ANXA8: variants seen among roughly 807,000 people sequenced by gnomAD.
ANXA8 encodes annexin A8, also known as VAC-beta.
ANXA8 carries 9 observed loss-of-function variants against 26.8 expected under a neutral mutation model. The observed-to-expected ratio is 0.34, with a 90% CI of 0.20 to 0.59. ANXA8 has a LOEUF of 0.59. Ranked by LOEUF, ANXA8 falls within the 20% of genes least tolerant of loss-of-function variation. ANXA8 has a pLI of 0.84. For missense variants in ANXA8, 83 were observed against 238.5 expected, an observed-to-expected ratio of 0.35 and a Z score of 4.29; for synonymous variants, 39 against 94.8, an observed-to-expected ratio of 0.41 and a Z score of 3.42.
At chr10:47,710,937 G>C in the ANXA8 span, among the ~76,000 whole-genome samples, 2 of 134,784 alleles carry the variant, frequency 1.5e-5, no homozygotes, top group African/African-American at 5.9e-5. Context: ...TGAAATAAAG[G>C]CTTAAATTTA....
At chr10:47,687,900 G>A in the ANXA8 span, among the ~76,000 whole-genome samples, 9 of 151,784 alleles carry the variant, frequency 5.9e-5, no homozygotes, top group South Asian at 2.1e-4. Flanking sequence ...AGGAGTTTGC[G>A]ACCAGCCTGG....
the ANXA8 span, among the ~76,000 whole-genome samples, chr10:47,606,045 C>G: frequency 0.01 from 692 of 67,000 alleles, no homozygotes; most frequent in South Asian, 0.024. Context: ...GTTATAACCA[C>G]ATGGGTGAAC....
At chr10:47,775,737 A>G in the ANXA8 span, among the ~76,000 whole-genome samples, 3 of 136,328 alleles carry the variant, frequency 2.2e-5, no homozygotes, top group African/African-American at 8.3e-5. Context: ...CAGTGGTGGT[A>G]CCTGCCATGC....
At chr10:47,937,701 A>G in the ANXA8 span, among the ~76,000 whole-genome samples, 2 of 144,428 alleles carry the variant, frequency 1.4e-5, no homozygotes, top group African/African-American at 5.0e-5. Context: ...CCCACTTATA[A>G]GTGAGAACAT....
At chr10:47,777,132 T>C in the ANXA8 span, among the ~76,000 whole-genome samples, 3 of 151,688 alleles carry the variant, frequency 2.0e-5, no homozygotes, top group Non-Finnish European at 2.9e-5. Context: ...TCTTTAAACA[T>C]AGGAGATGAG....
At chr10:47,665,520 T>TATA in the ANXA8 span, among the ~76,000 whole-genome samples, 1 of 150,882 alleles carries the variant, frequency 6.6e-6, no homozygotes, top group African/African-American at 2.5e-5. Flanking sequence ...TCATACTCAT[T>TATA]ATTATTCCTT....
chr10:47,511,301 G>A, the ANXA8 span, among the ~76,000 whole-genome samples: 7 of 142,406 alleles, frequency 4.9e-5, 1 homozygote, highest in African/African-American at 1.8e-4. Flanking sequence ...TGCTACAAGA[G>A]CACTTTATTG....
the ANXA8 span, among the ~76,000 whole-genome samples, chr10:47,969,078 G>A: frequency 4.8e-3 from 717 of 149,664 alleles, 7 homozygotes; most frequent in African/African-American, 0.016. Context: ...CCCCTGACAC[G>A]TGGAAAGATC....
the ANXA8 span, among the ~76,000 whole-genome samples, chr10:47,777,412 C>T: frequency 3.3e-5 from 5 of 152,204 alleles, no homozygotes; most frequent in African/African-American, 7.2e-5. Flanking sequence ...CTTGGCCTCC[C>T]GAAGTGCTGG....
the ANXA8 span, among the ~76,000 whole-genome samples, chr10:47,720,921 G>C: frequency 6.2e-4 from 86 of 139,708 alleles, 1 homozygote; most frequent in Non-Finnish European, 7.4e-4. Flanking sequence ...CCGTGGTGGG[G>C]GGATCGCTTG....
chr10:47,700,257 A>G, the ANXA8 span, among the ~76,000 whole-genome samples: 1 of 151,962 alleles, frequency 6.6e-6, no homozygotes, highest in Non-Finnish European at 1.5e-5. Flanking sequence ...AAAACATACT[A>G]TAAAGCCTCT....
the ANXA8 span, among the ~76,000 whole-genome samples, chr10:47,525,492 G>C: frequency 7.3e-6 from 1 of 136,564 alleles, no homozygotes; most frequent in African/African-American, 2.8e-5. Flanking sequence ...CTGCCCCTGT[G>C]ATCCAATCAC....
chr10:47,556,696 G>A, the ANXA8 span, among the ~76,000 whole-genome samples: 4,900 of 151,726 alleles, frequency 0.032, 318 homozygotes, highest in African/African-American at 0.11. Context: ...GGTAGTCAAG[G>A]GAGTCTTCAG....
At chr10:47,556,867 T>C in the ANXA8 span, among the ~76,000 whole-genome samples, 2 of 148,620 alleles carry the variant, frequency 1.3e-5, no homozygotes, top group Non-Finnish European at 3.0e-5. Flanking sequence ...AGCTTAGTTG[T>C]CTTTTCAAAA....
the ANXA8 span, among the ~76,000 whole-genome samples, chr10:47,547,486 C>T: frequency 1.9e-5 from 2 of 104,590 alleles, no homozygotes; most frequent in Non-Finnish European, 3.8e-5. Flanking sequence ...CCAGAGGTTA[C>T]AGCAAGGAAA....
the ANXA8 span, among the ~76,000 whole-genome samples, chr10:47,743,345 T>TATATAC: frequency 1.0e-5 from 1 of 96,556 alleles, no homozygotes; most frequent in South Asian, 3.8e-4. Context: ...TATATACATA[T>TATATAC]ATATATATAC....
chr10:47,565,603 G>C, the ANXA8 span: 8 of 301,778 alleles, frequency 2.7e-5, no homozygotes, highest in Admixed American at 5.3e-5. Flanking sequence ...CCCACGGCCC[G>C]GCGCGCTACC....
the ANXA8 span, among the ~76,000 whole-genome samples, chr10:47,966,047 A>G: frequency 1.4e-5 from 2 of 140,816 alleles, no homozygotes; most frequent in African/African-American, 5.0e-5. Flanking sequence ...GGCAAAGGGG[A>G]AGAGGAAGAG....
chr10:47,692,049 T>A, the ANXA8 span, among the ~76,000 whole-genome samples: 1 of 27,502 alleles, frequency 3.6e-5, no homozygotes, highest in African/African-American at 1.8e-4. Flanking sequence ...TGTTTTAGAT[T>A]TTACATGCAT....
Sources: gnomAD v4.1 joint callset for allele counts (sites outside exome capture counted in the v4.1 genomes callset) on GRCh38, gnomAD v4.1.1 for gene constraint, MANE v1.5 for transcripts, NCBI Gene and HGNC (gene_info 2026-07-23, HGNC 2026-07-21) for gene names.